LCORL: variants seen among roughly 807,000 people sequenced by gnomAD.
LCORL encodes the protein ligand dependent nuclear receptor corepressor like.
Under a neutral mutation model 141.8 loss-of-function variants are expected in LCORL, and 41 were observed. The observed-to-expected ratio is 0.29, with a 90% CI of 0.23 to 0.38. The LOEUF (loss-of-function observed/expected upper bound fraction) is 0.38, where lower values mean the gene tolerates loss of function less well. LCORL is among the 10% of genes least tolerant of loss of function. The pLI is 1.00. For synonymous variants in LCORL, 618 were observed against 694.1 expected (o/e 0.89, Z 1.72); for missense variants, 1,759 against 2,035.0 (o/e 0.86, Z 2.61).
intron 5 of LCORL, among the ~76,000 whole-genome samples, chr4:17,896,580 C>T (rs528114051): frequency 6.6e-6 from 1 of 152,212 alleles, no homozygotes; most frequent in East Asian, 1.9e-4. Context: ...CCACGCCTGG[C>T]CTGTGTTTCT....
chr4:17,867,450 A>G (rs1430647059), intron 7 of LCORL, among the ~76,000 whole-genome samples: 14 of 152,188 alleles, frequency 9.2e-5, no homozygotes, highest in Admixed American at 9.2e-4. Flanking sequence ...GTGAATGAAC[A>G]TGGCAGTGTT....
intron 7 of LCORL, among the ~76,000 whole-genome samples, chr4:17,862,651 T>C (rs113476736): frequency 0.13 from 19,330 of 152,264 alleles, 1,434 homozygotes; most frequent in South Asian, 0.29. Context: ...TATATGGTGC[T>C]GGGATAACTG....
At chr4:17,954,641 T>A (rs150630247) in intron 4 of LCORL, among the ~76,000 whole-genome samples, 2 of 152,140 alleles carry the variant, frequency 1.3e-5, no homozygotes, top group Non-Finnish European at 2.9e-5. Context: ...CTTAGTAGTA[T>A]AACCAGACCA....
intron 4 of LCORL, among the ~76,000 whole-genome samples, chr4:17,941,510 T>G (rs1282158461): frequency 6.6e-6 from 1 of 151,998 alleles, no homozygotes; most frequent in African/African-American, 2.4e-5. Context: ...GCCATAATTA[T>G]TCTGTATCAA....
chr4:17,940,053 T>G (rs1359582976), intron 4 of LCORL, among the ~76,000 whole-genome samples: 1 of 148,792 alleles, frequency 6.7e-6, no homozygotes, highest in South Asian at 2.1e-4. Context: ...ATACACACTA[T>G]ACGCATATAT....
At chr4:17,949,373 G>A (rs1328444145) in intron 4 of LCORL, among the ~76,000 whole-genome samples, 2 of 152,204 alleles carry the variant, frequency 1.3e-5, no homozygotes, top group Admixed American at 6.5e-5. Context: ...TAAACCTCAG[G>A]TCATGCAGAC....
At chr4:17,843,141 GT>G in exon 8 of LCORL, 5 of 698,006 alleles carry the variant, frequency 7.2e-6, no homozygotes, top group Non-Finnish European at 9.1e-6. Flanking sequence ...CCAAGTCAGT[GT>G]TTTTTTGACA....
chr4:17,862,069 T>C (rs1577268098), intron 7 of LCORL, among the ~76,000 whole-genome samples: 2 of 152,324 alleles, frequency 1.3e-5, no homozygotes, highest in East Asian at 3.9e-4. Context: ...TGTTACCCAG[T>C]TCCAAGGTTG....
exon 7 of LCORL, chr4:17,875,318 A>C: frequency 8.1e-7 from 1 of 1,231,450 alleles, no homozygotes; most frequent in African/African-American, 1.6e-5. Context: ...GAGGTATCAC[A>C]GATTTGTTCT....
intron 1 of LCORL, chr4:18,020,737 G>A (rs970550724): frequency 4.6e-5 from 7 of 152,362 alleles, no homozygotes; most frequent in Non-Finnish European, 8.8e-5. Context: ...GGTGGGGAGG[G>A]CGATGCGTAT....
In LCORL at chr4:17,954,317, T is replaced by A. The variant is rs147082631; in HGVS notation, c.430+7586A>T. 5.9e-5 allele frequency among the ~76,000 whole-genome samples: 9 copies of A among 152,276 alleles called. No homozygotes were observed. In the East Asian group the frequency reaches 1.5e-3, roughly 26 times the overall value. ...GCAATGTGCACTGGTAGAAACAGGA[T>A]TCTAGACAGAAGTAACAGCAAGTCT... On this transcript the variant is annotated intron_variant, in intron 4 of 7. Coordinates refer to ENST00000635767, the Ensembl canonical transcript of LCORL.
chr4:17,953,182 T>C (rs1327562741), intron 4 of LCORL, among the ~76,000 whole-genome samples: 2 of 152,224 alleles, frequency 1.3e-5, no homozygotes, highest in African/African-American at 2.4e-5. Context: ...GCCTTTGCTA[T>C]TGTGAATAGT....
chr4:17,920,129 A>T (rs1039770339), intron 4 of LCORL, among the ~76,000 whole-genome samples: 5 of 152,174 alleles, frequency 3.3e-5, no homozygotes, highest in Non-Finnish European at 5.9e-5. Flanking sequence ...ATCGAACCCA[A>T]AGAGGGGGTC....
chr4:17,843,958 T>G (rs561455557), exon 8 of LCORL: 15 of 152,202 alleles, frequency 9.9e-5, no homozygotes, highest in African/African-American at 3.6e-4. Flanking sequence ...AAACTTATTT[T>G]GTGATTCCTA....
chr4:17,949,691 T>C (rs1013116819), intron 4 of LCORL, among the ~76,000 whole-genome samples: 1 of 152,200 alleles, frequency 6.6e-6, no homozygotes. Flanking sequence ...TTTATACTTC[T>C]TGTAATTCCA....
At chr4:18,013,932 C>T (rs1374749795) in intron 1 of LCORL, among the ~76,000 whole-genome samples, 3 of 151,798 alleles carry the variant, frequency 2.0e-5, no homozygotes, top group East Asian at 1.9e-4. Flanking sequence ...CTCAGCCTCC[C>T]GAGTAGCTGG....
chr4:17,850,478 G>A (rs1363385399), intron 7 of LCORL, among the ~76,000 whole-genome samples: 1 of 152,150 alleles, frequency 6.6e-6, no homozygotes, highest in East Asian at 1.9e-4. Flanking sequence ...GACATGAACA[G>A]ACACTTCTCA....
chr4:17,910,345 T>C (rs566878914), intron 4 of LCORL, among the ~76,000 whole-genome samples: 6 of 152,288 alleles, frequency 3.9e-5, no homozygotes, highest in African/African-American at 9.6e-5. Flanking sequence ...TGTAAGGTGA[T>C]TGGTAAATTG....
intron 6 of LCORL, chr4:17,881,958 A>G: frequency 1.0e-6 from 1 of 977,866 alleles, no homozygotes; most frequent in Non-Finnish European, 1.2e-6. Flanking sequence ...TCTGTAATCT[A>G]TTATGTATAT....
Sources: allele counts gnomAD v4.1 joint callset (sites outside exome capture counted in the v4.1 genomes callset), GRCh38; gene constraint gnomAD v4.1.1; transcripts MANE v1.5; gene names NCBI Gene and HGNC (gene_info 2026-07-23, HGNC 2026-07-21).